NPNT: variants seen among roughly 807,000 people sequenced by gnomAD.
NPNT encodes the protein preosteoblast EGF-like repeat protein with MAM domain.
In NPNT, 45 loss-of-function variants were observed where a neutral mutation model predicts 68.6. The ratio of observed to expected loss-of-function variants is 0.66; its 90% CI spans 0.52 to 0.84. NPNT has a LOEUF of 0.84. Among genes scored for constraint, NPNT ranks in the 40% least tolerant of loss-of-function variants. The pLI is 0.00. For missense variants in NPNT, 672 were observed against 714.8 expected (o/e 0.94, Z 0.68); for synonymous variants, 233 against 253.3 (o/e 0.92, Z 0.76).
chr4:105,926,161 T>C (rs146700827), intron 2 of NPNT, among the ~76,000 whole-genome samples: 1 of 152,320 alleles, frequency 6.6e-6, no homozygotes, highest in East Asian at 1.9e-4. Flanking sequence ...GCCTCCTCTA[T>C]GAGGCTTTCT....
chr4:105,945,394 A>G (rs1730300013), intron 8 of NPNT, among the ~76,000 whole-genome samples: 1 of 152,126 alleles, frequency 6.6e-6, no homozygotes, highest in African/African-American at 2.4e-5. Context: ...TGCTTAACCT[A>G]TCCAGTTGGA....
chr4:105,912,478 T>A (rs1018562036), intron 2 of NPNT: 13 of 465,782 alleles, frequency 2.8e-5, no homozygotes, highest in African/African-American at 2.5e-4. Context: ...TTCTTCTGTT[T>A]TATGAATCTA....
At chr4:105,945,409 A>T (rs985198767) in intron 8 of NPNT, among the ~76,000 whole-genome samples, 1 of 152,196 alleles carries the variant, frequency 6.6e-6, no homozygotes, top group South Asian at 2.1e-4. Context: ...GTTGGATGAA[A>T]ATAGACGTCT....
chr4:105,958,316 G>C (rs530951428), intron 8 of NPNT, among the ~76,000 whole-genome samples, 155 bp from the exon 9 acceptor site: 1 of 152,082 alleles, frequency 6.6e-6, no homozygotes, highest in Non-Finnish European at 1.5e-5. Flanking sequence ...AACAAAATTC[G>C]TGAATCTTCA....
chr4:105,895,747 TCTC>T (rs1327959863), intron 1 of NPNT, 24 bp downstream of exon 1: 1 of 1,543,462 alleles, frequency 6.5e-7, no homozygotes. Flanking sequence ...CGGGGCGCCC[TCTC>T]CTCCTTCCCG....
intron 8 of NPNT, among the ~76,000 whole-genome samples, chr4:105,949,639 C>A (rs969133254): frequency 6.6e-6 from 1 of 152,152 alleles, no homozygotes; most frequent in South Asian, 2.1e-4. Flanking sequence ...GAAAAACTTT[C>A]TGCAGAACCC....
intron 10 of NPNT, among the ~76,000 whole-genome samples, chr4:105,960,057 G>A (rs1344406734): frequency 5.9e-5 from 9 of 152,084 alleles, no homozygotes; most frequent in African/African-American, 9.7e-5. Flanking sequence ...TGATCTGCCC[G>A]CCTTGGCCTC....
intron 2 of NPNT, among the ~76,000 whole-genome samples, chr4:105,898,304 CTCTCTCTGTCTCTCTCTCTCTCTG>C (rs1388668601): frequency 1.2e-4 from 15 of 126,030 alleles, no homozygotes; most frequent in African/African-American, 6.1e-4. Context: ...CTCTCTCTCT[CTCTCTCTGTCTCTCTCTCTCTCTG>C]TCTCTCTCTC....
rs1280597724 is a variant in NPNT, at chr4:105,916,412, C to T, written c.173-10924C>T. Among the ~76,000 whole-genome samples the T allele has an allele frequency of 1.1e-4, 17 of 150,708 alleles. No homozygotes were observed. The South Asian group carries it at 1.9e-3, about 17-fold the overall frequency. On this transcript the variant is annotated intron_variant, in intron 2 of 11. Transcript: ENST00000379987. Reference sequence around the variant, plus strand: ...TTTTTTTTTTTTTTTTCAGTAGAGACGGGTTTGCCATATTGCCCAGGCTGG... The same window carrying T: ...TTTTTTTTTTTTTTTTCAGTAGAGATGGGTTTGCCATATTGCCCAGGCTGG...
intron 2 of NPNT, among the ~76,000 whole-genome samples, chr4:105,907,886 A>C (rs182863830): frequency 6.6e-6 from 1 of 152,292 alleles, no homozygotes; most frequent in African/African-American, 2.4e-5. Flanking sequence ...TTCCTAATAA[A>C]ATTTCTAATA....
At chr4:105,940,277 T>C (rs1729831456) in intron 6 of NPNT, 68 bp downstream of exon 6, 1 of 1,508,002 alleles carries the variant, frequency 6.6e-7, no homozygotes, top group African/African-American at 1.4e-5. Context: ...GTAATTGTGG[T>C]GATGGCTGGA....
intron 10 of NPNT, among the ~76,000 whole-genome samples, chr4:105,961,489 A>C (rs1333095209): frequency 6.6e-6 from 1 of 152,370 alleles, no homozygotes. Context: ...ACTTCTATGT[A>C]AACAATCTAT....
intron 2 of NPNT, among the ~76,000 whole-genome samples, chr4:105,915,619 G>A (rs1435984205): frequency 6.6e-6 from 1 of 152,138 alleles, no homozygotes; most frequent in Non-Finnish European, 1.5e-5. Flanking sequence ...GGTTGTGAAA[G>A]GTGAAGAAGA....
chr4:105,924,431 G>A (rs530313628), intron 2 of NPNT, among the ~76,000 whole-genome samples: 4 of 152,286 alleles, frequency 2.6e-5, no homozygotes, highest in Admixed American at 6.5e-5. Context: ...GAAAGAAATT[G>A]ATTGTATCAA....
At chr4:105,914,428 T>C (rs1036383277) in intron 2 of NPNT, among the ~76,000 whole-genome samples, 3 of 138,238 alleles carry the variant, frequency 2.2e-5, no homozygotes, top group Non-Finnish European at 4.6e-5. Flanking sequence ...ATAATATATA[T>C]ATTATATAAA....
intron 1 of NPNT, among the ~76,000 whole-genome samples, chr4:105,897,264 G>C (rs1407781485): frequency 1.3e-5 from 2 of 152,138 alleles, no homozygotes; most frequent in Non-Finnish European, 2.9e-5. Context: ...ATCTAAGCAC[G>C]TTTCAAACCA....
intron 3 of NPNT, among the ~76,000 whole-genome samples, chr4:105,936,569 T>C (rs1729511741): frequency 6.6e-6 from 1 of 152,252 alleles, no homozygotes; most frequent in African/African-American, 2.4e-5. Flanking sequence ...AATATTCTCA[T>C]GTAATATGTT....
intron 8 of NPNT, among the ~76,000 whole-genome samples, chr4:105,943,706 A>G (rs1462832848): frequency 6.6e-6 from 1 of 150,924 alleles, no homozygotes; most frequent in Non-Finnish European, 1.5e-5. Flanking sequence ...CTTTGCATTC[A>G]CTCTTCCTGT....
chr4:105,896,382 C>CTGTG (rs1436969584), intron 1 of NPNT, among the ~76,000 whole-genome samples: 1 of 152,116 alleles, frequency 6.6e-6, no homozygotes, highest in Non-Finnish European at 1.5e-5. Context: ...CGGCGGCGTG[C>CTGTG]TGTGACAGGT....
Sources: allele counts gnomAD v4.1 joint callset (sites outside exome capture counted in the v4.1 genomes callset), GRCh38; gene constraint gnomAD v4.1.1; transcripts MANE v1.5; gene names NCBI Gene and HGNC (gene_info 2026-07-23, HGNC 2026-07-21).